PATL2: variants seen among roughly 807,000 people sequenced by gnomAD.
PATL2 encodes the protein PAT1 homolog 2.
PATL2 carries 73 observed loss-of-function variants against 77.0 expected under a neutral mutation model. The observed-to-expected ratio is 0.95, with a 90% CI of 0.78 to 1.15. The LOEUF (loss-of-function observed/expected upper bound fraction) is 1.15, where lower values mean the gene tolerates loss of function less well. Ranked by LOEUF, PATL2 falls within the 50% of genes most tolerant of loss-of-function variation. The probability of loss-of-function intolerance (pLI) is 0.00; values close to 1 mark genes in which losing one functional copy is unlikely to be tolerated. For synonymous variants in PATL2, 265 were observed against 257.1 expected, an observed-to-expected ratio of 1.03 and a Z score of -0.29; for missense variants, 618 against 655.4, an observed-to-expected ratio of 0.94 and a Z score of 0.62.
Position 44,669,890 on chromosome 15 carries a change from G to C in PATL2, c.779-16C>G, listed in dbSNP as rs2141178493. 2 of 1,551,444 alleles carry C rather than the reference G, an allele frequency of 1.3e-6. No homozygotes were observed. The highest frequency in any genetic ancestry group is 1.4e-5 in the African/African-American group (1 of 73,102). ...ATTCGGACCACTGCATGAGAAGAGAGGCACATTTCCTTCCCCCTCCCACAC... is the reference window on the plus strand; with the variant it reads ...ATTCGGACCACTGCATGAGAAGAGACGCACATTTCCTTCCCCCTCCCACAC... On this transcript the variant is annotated splice_polypyrimidine_tract_variant and intron_variant, in intron 10 of 17. Coordinates refer to ENST00000682850, the MANE Select transcript of PATL2 (RefSeq NM_001387263.1).
At chr15:44,685,122 G>A (rs968214020) in intron 3 of PATL2, among the ~76,000 whole-genome samples, 13 of 152,148 alleles carry the variant, frequency 8.5e-5, no homozygotes, top group African/African-American at 3.1e-4. Context: ...AGGAACAACC[G>A]ATACCAGCCA....
At chr15:44,687,906 A>G (rs953492181) in intron 3 of PATL2, among the ~76,000 whole-genome samples, 6 of 152,208 alleles carry the variant, frequency 3.9e-5, no homozygotes, top group African/African-American at 1.4e-4. Flanking sequence ...AAGAGAGGAC[A>G]CAAAGAAGTG....
At position 44,671,998 on chromosome 15, in the gene PATL2, A is replaced by T. The variant is rs1239212014; in HGVS notation, c.657+17T>A. ...TGACCCAAGGTCAGAGGCTGGGCTG[A>T]GTACTGCGGGGCTCACCTGGTAATA... is the stretch of plus-strand genomic sequence containing the variant. On this transcript the variant is annotated intron_variant, in intron 9 of 17. Coordinates refer to ENST00000682850, the MANE Select transcript of PATL2 (RefSeq NM_001387263.1). 2.6e-6 allele frequency: 4 copies of T among 1,551,332 alleles called. No individual in the cohort carries two copies. The highest frequency in any genetic ancestry group is 2.6e-6 in the Non-Finnish European group (3 of 1,146,860).
chr15:44,706,777 G>A (rs2086745868), intron 3 of PATL2, among the ~76,000 whole-genome samples: 1 of 152,202 alleles, frequency 6.6e-6, no homozygotes, highest in Non-Finnish European at 1.5e-5. Context: ...GTTCACTCAA[G>A]GCCCTATGGC....
intron 16 of PATL2, chr15:44,666,863 A>G (rs532235125): frequency 3.9e-6 from 2 of 514,502 alleles, no homozygotes; most frequent in East Asian, 3.2e-5. Context: ...GCCAGAATTC[A>G]AACGTAGGTC....
intron 3 of PATL2, among the ~76,000 whole-genome samples, chr15:44,683,216 C>T (rs905888187): frequency 6.6e-6 from 1 of 151,986 alleles, no homozygotes; most frequent in South Asian, 2.1e-4. Context: ...ACCCCAGTGG[C>T]GTCTGGCATG....
intron 11 of PATL2, 96 bp from the exon 12 acceptor site, chr15:44,669,659 G>A: frequency 6.6e-7 from 1 of 1,515,134 alleles, no homozygotes; most frequent in Non-Finnish European, 8.9e-7. Flanking sequence ...GGAAAGGCTA[G>A]AAACAAAGTC....
intron 7 of PATL2, 139 bp from the exon 8 acceptor site, chr15:44,672,595 T>C: frequency 1.3e-6 from 1 of 775,806 alleles, no homozygotes; most frequent in Non-Finnish European, 2.1e-6. Context: ...GTCAGCCACA[T>C]GGCACATCAT....
Position 44,676,963 on chromosome 15 carries a change from C to T in PATL2, c.-75-398G>A, listed in dbSNP as rs1035880707. 3 of 992,070 alleles carry T rather than the reference C, an allele frequency of 3.0e-6. No individual in the cohort carries two copies. In the African/African-American group the frequency reaches 5.2e-5, roughly 17 times the overall value. 61.5% of individuals were successfully genotyped at this position (992,070 alleles called of 1,614,324 possible). A position where few individuals can be genotyped will look rare whatever the true frequency, so the allele number is the denominator to read the frequency against. On this transcript the variant is annotated intron_variant, in intron 3 of 17. Transcript: ENST00000682850. Reference sequence around the variant, plus strand: ...GGCTTTAAAAGTCCCAGCTCCTCCCCTGCTCACCCATTAAAGGGCTAGCAT... The same window carrying T: ...GGCTTTAAAAGTCCCAGCTCCTCCCTTGCTCACCCATTAAAGGGCTAGCAT...
At chr15:44,675,134 G>C (rs1295050069) in intron 5 of PATL2, 1 of 230,320 alleles carries the variant, frequency 4.3e-6, no homozygotes, top group Non-Finnish European at 8.5e-6. Flanking sequence ...TTCTCCACTA[G>C]TTATGGGATC....
chr15:44,669,908 T>A (rs1371093207), intron 10 of PATL2, 34 bp from the exon 11 acceptor site: 12 of 1,550,788 alleles, frequency 7.7e-6, no homozygotes, highest in Non-Finnish European at 1.0e-5. Flanking sequence ...TCCTTCCCCC[T>A]CCCACACTCT....
intron 3 of PATL2, among the ~76,000 whole-genome samples, chr15:44,697,676 C>T (rs1401892843): frequency 6.6e-6 from 1 of 152,078 alleles, no homozygotes; most frequent in Non-Finnish European, 1.5e-5. Flanking sequence ...CCAAAGCCTC[C>T]CAATTACTTC....
At chr15:44,666,709 C>T (rs2085390504) in intron 16 of PATL2, 168 bp from the exon 17 acceptor site, 1 of 639,334 alleles carries the variant, frequency 1.6e-6, no homozygotes, top group East Asian at 2.9e-5. Flanking sequence ...ATGCTTAGTG[C>T]TTTACACATT....
At chr15:44,708,294 G>A (rs374552356) in intron 3 of PATL2, among the ~76,000 whole-genome samples, 6 of 152,260 alleles carry the variant, frequency 3.9e-5, no homozygotes, top group South Asian at 4.1e-4. Context: ...TAGTGGAGGC[G>A]TCTATTCAGC....
chr15:44,680,247 C>T (rs1319589312), intron 3 of PATL2, among the ~76,000 whole-genome samples: 1 of 152,200 alleles, frequency 6.6e-6, no homozygotes, highest in Non-Finnish European at 1.5e-5. Flanking sequence ...ATGACTGACA[C>T]TGCTCCATCA....
intron 3 of PATL2, among the ~76,000 whole-genome samples, chr15:44,683,509 C>A (rs1003389854): frequency 2.6e-4 from 39 of 152,194 alleles, no homozygotes; most frequent in African/African-American, 7.2e-5. Flanking sequence ...TGCAGCTCCG[C>A]AAAGCTGCTG....
intron 3 of PATL2, among the ~76,000 whole-genome samples, chr15:44,685,010 G>T (rs2086222179): frequency 6.6e-6 from 1 of 152,166 alleles, no homozygotes; most frequent in Admixed American, 6.5e-5. Flanking sequence ...CTTCATAAGT[G>T]AAGGAGAAAT....
intron 3 of PATL2, among the ~76,000 whole-genome samples, chr15:44,701,116 C>G (rs1268041687): frequency 6.6e-6 from 1 of 151,936 alleles, no homozygotes; most frequent in African/African-American, 2.4e-5. Context: ...TGGGATAAAT[C>G]CCACTTGGTC....
intron 3 of PATL2, among the ~76,000 whole-genome samples, chr15:44,683,836 A>T (rs894600318): frequency 6.6e-6 from 1 of 152,152 alleles, no homozygotes; most frequent in East Asian, 1.9e-4. Flanking sequence ...GACACTTCAT[A>T]CAGGAGAGCT....
Sources: allele counts gnomAD v4.1 joint callset (sites outside exome capture counted in the v4.1 genomes callset), GRCh38; gene constraint gnomAD v4.1.1; transcripts MANE v1.5; gene names NCBI Gene and HGNC (gene_info 2026-07-23, HGNC 2026-07-21).